ADGRD1: variants seen among roughly 807,000 people sequenced by gnomAD.
The protein encoded by ADGRD1 is G-protein coupled receptor 133.
A neutral mutation model predicts 113.4 loss-of-function variants in ADGRD1; 77 were observed. That is an observed-to-expected ratio of 0.68 (90% CI 0.57 to 0.82). The LOEUF is 0.82. ADGRD1 is among the 40% of genes least tolerant of loss of function. The pLI, the probability that ADGRD1 is intolerant of heterozygous loss-of-function variation, is 0.00. For synonymous variants in ADGRD1, 474 were observed against 475.0 expected (o/e 1.00, Z 0.03); for missense variants, 1,036 against 1,139.1 (o/e 0.91, Z 1.30).
At position 131,041,429 on chromosome 12, in the gene ADGRD1, C is replaced by A; in HGVS notation, c.1473+27089C>A. Among the ~76,000 whole-genome samples the A allele has an allele frequency of 6.6e-6, 1 of 152,170 alleles. No homozygotes were observed. The highest frequency in any genetic ancestry group is 1.9e-4 in the East Asian group (1 of 5,192). ...CCTCGATGGGGAGCTGACCCAGCCA[C>A]CTGAAGCGGCTTTTGCCTCCCACCC... On this transcript the variant is annotated intron_variant, in intron 13 of 24. Transcript: ENST00000261654. This position sits in a 1 kb window ranked among gnomAD's most constrained non-coding sequence, Gnocchi z 4.4.
intron 12 of ADGRD1, among the ~76,000 whole-genome samples, chr12:131,011,980 C>T (rs76703670): frequency 0.02 from 2,997 of 152,278 alleles, 110 homozygotes; most frequent in African/African-American, 0.068. Context: ...CAACTTTCTG[C>T]GGCCTCGAGC....
In ADGRD1 at chr12:131,120,909, T is replaced by C; in HGVS notation, c.2171T>C (p.Ile724Thr). 6.2e-7 allele frequency: 1 copy of C among 1,614,036 alleles called. No homozygotes were observed. Among genetic ancestry groups the C allele is most frequent in the Non-Finnish European group, 8.5e-7 (1 of 1,179,932 alleles). ...TTTGTAGCCCCTGCCCTGTTTGTCA[T>C]CGTGGTACGTTTCCTACCCTTGTGG... ...WAFVAPALFVIVVNIGILIAV... is the reference protein window; with the variant it reads ...WAFVAPALFVTVVNIGILIAV... The change falls in exon 20 of 25, where the codon ATC becomes ACC. Residue 724 changes from isoleucine to threonine, a missense_variant. Transcript: ENST00000261654.
chr12:131,087,515 C>G (rs889680170), intron 15 of ADGRD1, among the ~76,000 whole-genome samples: 1 of 152,242 alleles, frequency 6.6e-6, no homozygotes, highest in Non-Finnish European at 1.5e-5. Flanking sequence ...CCGGGGCTTT[C>G]CGGCTCAGGG....
intron 18 of ADGRD1, among the ~76,000 whole-genome samples, chr12:131,116,583 T>C (rs1395194906): frequency 7.0e-6 from 1 of 142,766 alleles, no homozygotes; most frequent in African/African-American, 3.1e-5. Flanking sequence ...TCCTCCTCCT[T>C]CCTCTGGAGC....
At position 131,137,019 on chromosome 12, in the gene ADGRD1, G is replaced by T; in HGVS notation, c.2436+5G>T. 1 of 1,610,190 alleles carries T rather than the reference G, an allele frequency of 6.2e-7. No individual in the cohort carries two copies. Among genetic ancestry groups the T allele is most frequent in the Non-Finnish European group, 8.5e-7 (1 of 1,176,482 alleles). ...CATTGTCTCCTGAATTCAGAGGTAC[G>T]TCCGCTCTGCTTGCTGGCAGGTGCA... On this transcript the variant is annotated splice_donor_5th_base_variant and intron_variant, in intron 23 of 24. Transcript: ENST00000261654.
At chr12:130,998,985 T>G (rs975458520) in intron 8 of ADGRD1, among the ~76,000 whole-genome samples, 2 of 152,230 alleles carry the variant, frequency 1.3e-5, no homozygotes, top group Admixed American at 1.3e-4. Flanking sequence ...TTCATATGGA[T>G]TCTGTGTTGA....
chr12:131,084,599 A>G lies in ADGRD1; in HGVS notation c.1607A>G (p.Tyr536Cys). ...GCGCTCACGAGAGGAAACCTCACCT[A>G]CTCCGTCTGCCGCTGCACTCACCTC... ...GCALTRGNLT[Y>C]SVCRCTHLTN... The change falls in exon 15 of 25, where the codon TAC (tyrosine) becomes TGC (cysteine). Residue 536 changes from tyrosine (Y) to cysteine (C), a missense_variant. Tyr to Cys is a radical substitution (Grantham distance 194, BLOSUM62 -2). Coordinates refer to ENST00000261654, the MANE Select transcript of ADGRD1 (RefSeq NM_198827.5). The surrounding 1 kb of genome is among the most constrained non-coding windows in gnomAD (Gnocchi z 4.5). 6.2e-7 allele frequency: 1 copy of G among 1,613,196 alleles called. No homozygotes were observed. Among genetic ancestry groups the G allele is most frequent in the Non-Finnish European group, 8.5e-7 (1 of 1,179,788 alleles).
intron 21 of ADGRD1, among the ~76,000 whole-genome samples, chr12:131,134,448 C>T (rs1321120435): frequency 1.3e-5 from 2 of 152,236 alleles, no homozygotes; most frequent in South Asian, 4.1e-4. Flanking sequence ...CAAACCATCA[C>T]TTTAAAAGTA....
intron 4 of ADGRD1, among the ~76,000 whole-genome samples, chr12:130,975,850 C>T (rs547465868): frequency 1.4e-4 from 22 of 152,290 alleles, no homozygotes; most frequent in African/African-American, 4.1e-4. Flanking sequence ...CGAGTAACTT[C>T]GGCCCATTGC....
At chr12:131,061,003 G>A (rs1346998896) in intron 13 of ADGRD1, among the ~76,000 whole-genome samples, 3 of 152,080 alleles carry the variant, frequency 2.0e-5, no homozygotes, top group Admixed American at 6.5e-5. Flanking sequence ...CTGGACACCC[G>A]TGAGACTCAT....
chr12:131,056,547 A>G (rs1007983203), intron 13 of ADGRD1, among the ~76,000 whole-genome samples: 11 of 152,352 alleles, frequency 7.2e-5, no homozygotes, highest in South Asian at 4.1e-4. Flanking sequence ...ATACTGTGCT[A>G]TATCACAGCA....
chr12:131,000,663 C>G (rs916591909), intron 9 of ADGRD1, among the ~76,000 whole-genome samples: 1 of 151,026 alleles, frequency 6.6e-6, no homozygotes, highest in Non-Finnish European at 1.5e-5. Context: ...ATTGCTGGAA[C>G]CTGGGAGGCG....
chr12:130,971,387 C>A lies in ADGRD1; in HGVS notation c.188-71C>A. On this transcript the variant is annotated intron_variant, in intron 3 of 24. Coordinates refer to ENST00000261654, the MANE Select transcript of ADGRD1 (RefSeq NM_198827.5). The surrounding 1 kb of genome is among the most constrained non-coding windows in gnomAD (Gnocchi z 4.2). ...ACTTACACATAAGTTATTTGTAGGT[C>A]TGACACACATCTTCAGACTTTTAAT... The A allele has an allele frequency of 7.7e-7, 1 of 1,305,090 alleles. No individual in the cohort carries two copies. Among genetic ancestry groups the A allele is most frequent in the Non-Finnish European group, 1.1e-6 (1 of 924,410 alleles). The allele number at this position is 1,305,090 out of a possible 1,614,324, so 80.8% of individuals were successfully genotyped here. A position where few individuals can be genotyped will look rare whatever the true frequency, so the allele number is the denominator to read the frequency against.
intron 13 of ADGRD1, among the ~76,000 whole-genome samples, chr12:131,047,033 C>T (rs1340496886): frequency 6.8e-6 from 1 of 146,638 alleles, no homozygotes; most frequent in African/African-American, 2.5e-5. Flanking sequence ...CCTCTCTAGT[C>T]AGTGTCCTCC....
At chr12:131,031,718 T>C (rs1016528771) in intron 13 of ADGRD1, among the ~76,000 whole-genome samples, 1 of 152,182 alleles carries the variant, frequency 6.6e-6, no homozygotes, top group African/African-American at 2.4e-5. Flanking sequence ...CTTTGATTCT[T>C]GTGCCCCCAG....
chr12:131,108,027 G>A (rs1950271393), intron 17 of ADGRD1, among the ~76,000 whole-genome samples: 1 of 152,162 alleles, frequency 6.6e-6, no homozygotes, highest in African/African-American at 2.4e-5. Flanking sequence ...AGCCCCAGGA[G>A]GATCTGAGGC....
chr12:131,136,924 A>G, intron 22 of ADGRD1, 49 bp from the exon 23 acceptor site: 1 of 1,473,246 alleles, frequency 6.8e-7, no homozygotes, highest in South Asian at 1.1e-5. Flanking sequence ...AGTGTTCCTA[A>G]CTACGTGCAA....
At chr12:130,990,969 A>G in intron 6 of ADGRD1, 45 bp from the exon 7 acceptor site, 1 of 1,530,642 alleles carries the variant, frequency 6.5e-7, no homozygotes, top group Non-Finnish European at 9.1e-7. Context: ...CGTGGTGAAA[A>G]AAGTGACCAT....
At chr12:130,958,155 T>G in intron 2 of ADGRD1, 1 of 145,774 alleles carries the variant, frequency 6.9e-6, no homozygotes, top group African/African-American at 2.5e-5. Context: ...TCCATTTCCC[T>G]CCCTCATTTC....
Sources: gnomAD v4.1 joint callset for allele counts (sites outside exome capture counted in the v4.1 genomes callset) on GRCh38, gnomAD v4.1.1 for gene constraint, Gnocchi (gnomAD v3.1) non-coding constraint, MANE v1.5 for transcripts, NCBI Gene and HGNC (gene_info 2026-07-23, HGNC 2026-07-21) for gene names.